RAB27A: variants seen among roughly 807,000 people sequenced by gnomAD.
RAB27A encodes the protein RAB27A, member RAS oncogene family.
Under a neutral mutation model 20.8 loss-of-function variants are expected in RAB27A, and 17 were observed. The observed-to-expected ratio is 0.82, with a 90% CI of 0.56 to 1.23. The LOEUF is 1.23. Among genes scored for constraint, RAB27A ranks in the 50% most tolerant of loss-of-function variants. RAB27A has a pLI of 0.00. For synonymous variants in RAB27A, 85 were observed against 92.8 expected (o/e 0.92, Z 0.48); for missense variants, 277 against 266.7 (o/e 1.04, Z -0.27).
chr15:55,211,941 G>T (rs1460554124), intron 6 of RAB27A, among the ~76,000 whole-genome samples: 5 of 144,822 alleles, frequency 3.5e-5, no homozygotes, highest in African/African-American at 1.3e-4. Flanking sequence ...TATTAAATGA[G>T]TTTCCTGGAC....
rs1894566426 is a variant in RAB27A, at chr15:55,204,880, A to G, written c.*627T>C. ...ACCCCAATCCCCTTCCCACCAATAAAAAAGTCACCGTGAGTGTATAATTGG... is the reference window on the plus strand; with the variant it reads ...ACCCCAATCCCCTTCCCACCAATAAGAAAGTCACCGTGAGTGTATAATTGG... On this transcript the variant is annotated 3_prime_UTR_variant, in exon 7 of 7. Coordinates refer to ENST00000336787, the MANE Select transcript of RAB27A (RefSeq NM_183235.3). The G allele has an allele frequency of 1.3e-5, 2 of 153,502 alleles. No homozygotes were observed. The highest frequency in any genetic ancestry group is 6.5e-5 in the Admixed American group (1 of 15,442). 9.5% of individuals were successfully genotyped at this position (153,502 alleles called of 1,614,324 possible).
chr15:55,211,276 T>C (rs759083375), intron 6 of RAB27A, among the ~76,000 whole-genome samples: 2 of 152,214 alleles, frequency 1.3e-5, no homozygotes, highest in Non-Finnish European at 2.9e-5. Context: ...AGGATTTTTT[T>C]CGATATTTGT....
chr15:55,212,828 C>A (rs1895094511), intron 6 of RAB27A, among the ~76,000 whole-genome samples: 1 of 152,214 alleles, frequency 6.6e-6, no homozygotes, highest in Admixed American at 6.5e-5. Context: ...CGCACCCAGC[C>A]CATCAAATCT....
intron 2 of RAB27A, among the ~76,000 whole-genome samples, chr15:55,255,891 G>A (rs1897060447): frequency 6.6e-6 from 1 of 152,084 alleles, no homozygotes; most frequent in Admixed American, 6.5e-5. Context: ...AAGTGAAAGG[G>A]GCTTCAAGTC....
At chr15:55,228,054 G>A (rs999220033) in intron 5 of RAB27A, among the ~76,000 whole-genome samples, 1 of 152,140 alleles carries the variant, frequency 6.6e-6, no homozygotes, top group African/African-American at 2.4e-5. Context: ...ATATTGCACT[G>A]GTGACCACTT....
intron 2 of RAB27A, among the ~76,000 whole-genome samples, chr15:55,295,458 C>G (rs944441684): frequency 2.0e-5 from 3 of 152,046 alleles, no homozygotes; most frequent in Admixed American, 6.5e-5. Flanking sequence ...AAATGGCCAC[C>G]AAGGAATGAA....
chr15:55,223,508 C>CAA (rs113911906), intron 6 of RAB27A, among the ~76,000 whole-genome samples: 11,823 of 133,420 alleles, frequency 0.089, 869 homozygotes, highest in African/African-American at 0.21. Flanking sequence ...GACTCTGTCT[C>CAA]AAAAAAAAAA....
chr15:55,257,301 G>A (rs1052760972), intron 2 of RAB27A, among the ~76,000 whole-genome samples: 1 of 152,150 alleles, frequency 6.6e-6, no homozygotes, highest in Non-Finnish European at 1.5e-5. Flanking sequence ...AGTCCCTGTG[G>A]CCCACATTTA....
chr15:55,246,541 C>T (rs554790517), intron 2 of RAB27A, among the ~76,000 whole-genome samples: 1 of 151,282 alleles, frequency 6.6e-6, no homozygotes, highest in Non-Finnish European at 1.5e-5. Flanking sequence ...AGTAAATTCA[C>T]CAAAACACTG....
rs561033621 is a variant in RAB27A, at chr15:55,266,600, G to T, written c.-23+3565C>A. ...GAAAAAGGAAAAGATGGTTTGAGAAGATGATAATTATTATAACTAACACTA... is the reference window on the plus strand; with the variant it reads ...GAAAAAGGAAAAGATGGTTTGAGAATATGATAATTATTATAACTAACACTA... On this transcript the variant is annotated intron_variant, in intron 2 of 6. Coordinates refer to ENST00000336787, the MANE Select transcript of RAB27A (RefSeq NM_183235.3). 8.5e-5 allele frequency among the ~76,000 whole-genome samples: 13 copies of T among 152,302 alleles called. No individual in the cohort carries two copies. In the East Asian group the frequency reaches 2.5e-3, roughly 29 times the overall value.
At chr15:55,278,834 C>T (rs181394802) in intron 1 of RAB27A, among the ~76,000 whole-genome samples, 16 of 152,290 alleles carry the variant, frequency 1.1e-4, no homozygotes, top group Admixed American at 2.0e-4. Context: ...GCTGAAAAAT[C>T]TGCATTTCTA....
chr15:55,253,037 C>T (rs1000693260), intron 2 of RAB27A, among the ~76,000 whole-genome samples: 2 of 151,748 alleles, frequency 1.3e-5, no homozygotes, highest in African/African-American at 4.8e-5. Flanking sequence ...GAGGCTGAGG[C>T]AGTAGAATCA....
intron 2 of RAB27A, among the ~76,000 whole-genome samples, chr15:55,299,499 CAGG>C (rs548426390): frequency 5.2e-4 from 79 of 150,808 alleles, no homozygotes; most frequent in African/African-American, 1.8e-3. Flanking sequence ...AAGGCTGAGG[CAGG>C]AGAATTGCTC....
chr15:55,272,003 C>A (rs1437399896), intron 1 of RAB27A, among the ~76,000 whole-genome samples: 1 of 152,090 alleles, frequency 6.6e-6, no homozygotes, highest in Admixed American at 6.5e-5. Flanking sequence ...ACACAGCAAC[C>A]TCGAGAATTT....
rs150114316 is a variant in RAB27A, at chr15:55,295,525, A to G, written c.-112+18514T>C. Reference sequence around the variant, plus strand: ...ATTTTATTCAGCCATAAAGAGGAATAAAGTATTGATACATGTTACAACGTG... The same window carrying G: ...ATTTTATTCAGCCATAAAGAGGAATGAAGTATTGATACATGTTACAACGTG... On this transcript the variant is annotated intron_variant, in intron 2 of 5. Transcript: ENST00000563262. Among the ~76,000 whole-genome samples the G allele has an allele frequency of 2.6e-4, 39 of 152,378 alleles. No individual in the cohort carries two copies. The East Asian group carries it at 7.3e-3, about 29-fold the overall frequency.
At chr15:55,305,532 G>A (rs909763969) in intron 2 of RAB27A, among the ~76,000 whole-genome samples, 4 of 152,190 alleles carry the variant, frequency 2.6e-5, no homozygotes, top group Admixed American at 6.5e-5. Flanking sequence ...AGCTGCTAGA[G>A]GTCCCAAGAA....
At chr15:55,221,226 G>T (rs1895554439) in intron 6 of RAB27A, among the ~76,000 whole-genome samples, 1 of 152,190 alleles carries the variant, frequency 6.6e-6, no homozygotes, top group South Asian at 2.1e-4. Context: ...CCCAGTACTT[G>T]AGAATATACT....
At chr15:55,319,088 A>T (rs2055099468) in exon 1 of RAB27A, 1 of 820,020 alleles carries the variant, frequency 1.2e-6, no homozygotes, top group East Asian at 3.0e-5. Context: ...GGCGAAAGGA[A>T]ACCGCAAGGA....
At chr15:55,264,587 C>CA (rs1245744215) in intron 2 of RAB27A, among the ~76,000 whole-genome samples, 1 of 151,986 alleles carries the variant, frequency 6.6e-6, no homozygotes, top group Non-Finnish European at 1.5e-5. Context: ...AAGTATTTCC[C>CA]AAAAAATATA....
Sources: gnomAD v4.1 joint callset for allele counts (sites outside exome capture counted in the v4.1 genomes callset) on GRCh38, gnomAD v4.1.1 for gene constraint, MANE v1.5 for transcripts, NCBI Gene and HGNC (gene_info 2026-07-23, HGNC 2026-07-21) for gene names.